Variants in SCLT1 observed in about 807,000 individuals in gnomAD.
SCLT1 encodes the protein sodium channel-associated protein 1.
In SCLT1, 78 loss-of-function variants were observed where a neutral mutation model predicts 112.8. That is an observed-to-expected ratio of 0.69 (90% confidence interval 0.58 to 0.83). SCLT1 has a LOEUF of 0.83. Among genes scored for constraint, SCLT1 ranks in the 40% least tolerant of loss-of-function variants. The pLI is 0.00. For synonymous variants in SCLT1, 257 were observed against 254.7 expected (o/e 1.01, Z -0.09); for missense variants, 747 against 770.4 (o/e 0.97, Z 0.36).
At chr4:129,058,522 T>A (rs189262253) in intron 2 of SCLT1, among the ~76,000 whole-genome samples, 19 of 152,350 alleles carry the variant, frequency 1.2e-4, no homozygotes, top group African/African-American at 4.6e-4. Context: ...GTACAGTTTC[T>A]AATGTTCCTC....
intron 6 of SCLT1, among the ~76,000 whole-genome samples, chr4:129,001,696 C>T (rs1743502039): frequency 6.6e-6 from 1 of 151,924 alleles, no homozygotes; most frequent in South Asian, 2.1e-4. Context: ...ATATTTTAAA[C>T]TGAAAATATT....
intron 9 of SCLT1, among the ~76,000 whole-genome samples, chr4:128,978,365 G>T (rs559553592): frequency 2.2e-4 from 34 of 152,058 alleles, no homozygotes; most frequent in Non-Finnish European, 3.8e-4. Context: ...GAGTCACATG[G>T]TTAGAAATCT....
intron 2 of SCLT1, among the ~76,000 whole-genome samples, chr4:129,079,384 A>G (rs1408292745): frequency 6.6e-6 from 1 of 152,186 alleles, no homozygotes; most frequent in Non-Finnish European, 1.5e-5. Context: ...AATTGGGTAA[A>G]TACTCCCTTT....
At chr4:129,070,709 CTTTT>C (rs1489833925) in intron 2 of SCLT1, among the ~76,000 whole-genome samples, 2 of 152,006 alleles carry the variant, frequency 1.3e-5, no homozygotes, top group Non-Finnish European at 2.9e-5. Flanking sequence ...AAGGAACCAG[CTTTT>C]TGTTTTATTT....
At chr4:128,902,553 T>A (rs1734399543) in intron 18 of SCLT1, among the ~76,000 whole-genome samples, 1 of 152,100 alleles carries the variant, frequency 6.6e-6, no homozygotes, top group Non-Finnish European at 1.5e-5. Flanking sequence ...TAAAAAATGG[T>A]ACATCTGTAT....
At chr4:128,973,069 T>A (rs17416188) in intron 9 of SCLT1, among the ~76,000 whole-genome samples, 41,136 of 152,008 alleles carry the variant, frequency 0.27, 5,967 homozygotes, top group South Asian at 0.35. Flanking sequence ...TTTTTTCACA[T>A]GTTTGGCTGG....
intron 4 of SCLT1, chr4:128,875,080 G>T (rs970256954): frequency 2.0e-5 from 3 of 151,272 alleles, no homozygotes; most frequent in African/African-American, 7.3e-5. Context: ...TATATTACAT[G>T]ACCCAATCCT....
intron 18 of SCLT1, among the ~76,000 whole-genome samples, chr4:128,900,990 G>A (rs1484761055): frequency 1.3e-5 from 2 of 152,048 alleles, no homozygotes; most frequent in African/African-American, 2.4e-5. Context: ...TCTCACACCC[G>A]TTAGAATGGC....
chr4:128,946,209 A>T, intron 15 of SCLT1, 57 bp from the exon 16 acceptor site: 3 of 1,185,716 alleles, frequency 2.5e-6, no homozygotes, highest in Non-Finnish European at 3.6e-6. Flanking sequence ...CTTAATAAAC[A>T]GTTTAGAAAC....
At chr4:128,918,732 A>G (rs1253173069) in intron 18 of SCLT1, among the ~76,000 whole-genome samples, 1 of 152,122 alleles carries the variant, frequency 6.6e-6, no homozygotes, top group Non-Finnish European at 1.5e-5. Flanking sequence ...AATAAAGGAA[A>G]AGAGAAAAAC....
At chr4:129,079,780 G>C (rs1751778069) in intron 2 of SCLT1, among the ~76,000 whole-genome samples, 1 of 152,238 alleles carries the variant, frequency 6.6e-6, no homozygotes, top group Non-Finnish European at 1.5e-5. Context: ...TCTTTGCACT[G>C]CCCTAGCAGA....
At chr4:128,926,762 AT>A (rs1441737912) in intron 18 of SCLT1, among the ~76,000 whole-genome samples, 1 of 152,036 alleles carries the variant, frequency 6.6e-6, no homozygotes, top group African/African-American at 2.4e-5. Flanking sequence ...ACAGTAATAT[AT>A]TTTTTACTAA....
intron 13 of SCLT1, among the ~76,000 whole-genome samples, chr4:128,953,048 G>C (rs893518245): frequency 1.3e-5 from 2 of 152,032 alleles, no homozygotes; most frequent in Non-Finnish European, 2.9e-5. Flanking sequence ...CAAAAGGACC[G>C]TGGTTGTCAA....
chr4:129,034,119 T>A (rs1746979032), intron 5 of SCLT1, among the ~76,000 whole-genome samples: 1 of 152,124 alleles, frequency 6.6e-6, no homozygotes, highest in Non-Finnish European at 1.5e-5. Context: ...CATAAACACA[T>A]CAATTTGAAG....
intron 7 of SCLT1, 77 bp from the exon 8 acceptor site, chr4:128,998,016 C>A: frequency 1.6e-6 from 1 of 632,676 alleles, no homozygotes; most frequent in Non-Finnish European, 2.5e-6. Context: ...AAACTAAAAT[C>A]AAGTCTAAAA....
intron 5 of SCLT1, among the ~76,000 whole-genome samples, chr4:129,011,808 T>G (rs1017567814): frequency 6.6e-6 from 1 of 152,180 alleles, no homozygotes; most frequent in Admixed American, 6.5e-5. Context: ...TTCTAGATAT[T>G]CTAGTTTATG....
At chr4:128,935,199 C>A (rs954560035) in intron 18 of SCLT1, among the ~76,000 whole-genome samples, 17 of 151,744 alleles carry the variant, frequency 1.1e-4, no homozygotes, top group African/African-American at 3.1e-4. Context: ...TTCTTTAGTG[C>A]TCTTTGTAGA....
intron 18 of SCLT1, among the ~76,000 whole-genome samples, chr4:128,904,253 T>C (rs534930419): frequency 1.3e-5 from 2 of 152,190 alleles, no homozygotes; most frequent in Non-Finnish European, 2.9e-5. Context: ...TCCCTTATAG[T>C]ATCACTGGGA....
chr4:128,913,773 C>G (rs1457588733), intron 18 of SCLT1, among the ~76,000 whole-genome samples: 1 of 152,152 alleles, frequency 6.6e-6, no homozygotes, highest in Non-Finnish European at 1.5e-5. Context: ...TTATTTTTCT[C>G]TTTAGCACTC....
Sources: allele counts gnomAD v4.1 joint callset (sites outside exome capture counted in the v4.1 genomes callset), GRCh38; gene constraint gnomAD v4.1.1; transcripts MANE v1.5; gene names NCBI Gene and HGNC (gene_info 2026-07-23, HGNC 2026-07-21).